The following NELL1 variants were observed in gnomAD, a reference collection of about 807,000 sequenced individuals.
NELL1 encodes neural EGFL like 1.
NELL1 carries 76 observed loss-of-function variants against 107.4 expected under a neutral mutation model. The observed-to-expected ratio is 0.71, with a 90% CI of 0.59 to 0.86. NELL1 has a LOEUF of 0.86. NELL1 is among the 40% of genes least tolerant of loss of function. NELL1 has a pLI of 0.00. For synonymous variants in NELL1, 353 were observed against 341.2 expected (o/e 1.03, Z -0.38); for missense variants, 1,024 against 1,005.5 (o/e 1.02, Z -0.25).
chr11:20,695,769 C>A (rs1854598572), intron 2 of NELL1, among the ~76,000 whole-genome samples: 1 of 152,006 alleles, frequency 6.6e-6, no homozygotes, highest in Non-Finnish European at 1.5e-5. Flanking sequence ...TTTTTGATAA[C>A]AGGGTGATGC....
At chr11:21,190,755 GA>G (rs1173033630) in intron 13 of NELL1, among the ~76,000 whole-genome samples, 1 of 151,836 alleles carries the variant, frequency 6.6e-6, no homozygotes, top group East Asian at 1.9e-4. Context: ...TTTCTCACTT[GA>G]TATTGCAAAA....
At chr11:21,106,998 AT>A (rs1854985300) in intron 12 of NELL1, among the ~76,000 whole-genome samples, 1 of 152,088 alleles carries the variant, frequency 6.6e-6, no homozygotes. Flanking sequence ...ATTGTTTTTA[AT>A]TTTAAAAGTA....
At chr11:21,042,239 A>G (rs16907306) in intron 12 of NELL1, among the ~76,000 whole-genome samples, 21,098 of 152,224 alleles carry the variant, frequency 0.14, 1,630 homozygotes, top group South Asian at 0.24. Context: ...ACAATCCAGA[A>G]TATGCTTAAA....
chr11:21,135,329 C>A (rs546318320), intron 13 of NELL1, among the ~76,000 whole-genome samples: 1 of 152,252 alleles, frequency 6.6e-6, no homozygotes, highest in African/African-American at 2.4e-5. Flanking sequence ...TAGACATGTC[C>A]TATGGATGTT....
chr11:21,477,034 G>T (rs1044499648), intron 15 of NELL1, among the ~76,000 whole-genome samples: 1 of 152,124 alleles, frequency 6.6e-6, no homozygotes, highest in Non-Finnish European at 1.5e-5. Flanking sequence ...AGGCTACAAG[G>T]ACTGCAATTC....
At chr11:20,724,846 A>G (rs7131211) in intron 2 of NELL1, among the ~76,000 whole-genome samples, 5,607 of 152,316 alleles carry the variant, frequency 0.037, 362 homozygotes, top group African/African-American at 0.13. Context: ...ACACTGTTAC[A>G]AAGATACTAC....
intron 15 of NELL1, among the ~76,000 whole-genome samples, chr11:21,533,828 A>G (rs755977668): frequency 6.6e-6 from 1 of 152,180 alleles, no homozygotes; most frequent in Non-Finnish European, 1.5e-5. Context: ...AAGAAAAGGT[A>G]ATTATTAGCT....
intron 14 of NELL1, among the ~76,000 whole-genome samples, chr11:21,325,849 C>T (rs1850119866): frequency 1.3e-5 from 2 of 151,932 alleles, no homozygotes; most frequent in Admixed American, 6.6e-5. Flanking sequence ...ATAATTTTTC[C>T]TGTCCTAGAA....
At chr11:21,071,982 A>G (rs761399698) in intron 12 of NELL1, among the ~76,000 whole-genome samples, 1 of 152,120 alleles carries the variant, frequency 6.6e-6, no homozygotes, top group Non-Finnish European at 1.5e-5. Flanking sequence ...CCAATTTGGT[A>G]GCAGAAGCCC....
intron 15 of NELL1, among the ~76,000 whole-genome samples, chr11:21,406,517 A>G (rs976633451): frequency 6.6e-6 from 1 of 152,032 alleles, no homozygotes; most frequent in Admixed American, 6.6e-5. Context: ...AATAAGGATT[A>G]TATTCTTTGT....
At chr11:21,407,774 T>C (rs1852271285) in intron 15 of NELL1, among the ~76,000 whole-genome samples, 2 of 151,560 alleles carry the variant, frequency 1.3e-5, no homozygotes, top group Admixed American at 6.6e-5. Context: ...ACTAATTATT[T>C]CTTCGAATAG....
chr11:20,766,306 G>T (rs1248906261), intron 2 of NELL1, among the ~76,000 whole-genome samples: 1 of 152,160 alleles, frequency 6.6e-6, no homozygotes, highest in African/African-American at 2.4e-5. Context: ...CTGCAGGCAG[G>T]GTGAAAGCAG....
intron 2 of NELL1, among the ~76,000 whole-genome samples, chr11:20,767,809 G>A (rs949861401): frequency 1.3e-5 from 2 of 152,208 alleles, no homozygotes; most frequent in Non-Finnish European, 1.5e-5. Flanking sequence ...TGTTAAGGAT[G>A]CAGCAGAGAA....
intron 15 of NELL1, among the ~76,000 whole-genome samples, chr11:21,413,108 C>A (rs999686618): frequency 3.9e-5 from 6 of 152,072 alleles, no homozygotes; most frequent in Non-Finnish European, 5.9e-5. Flanking sequence ...CAACAAAAAA[C>A]CCTTGATTGC....
At chr11:21,359,307 C>G (rs1380518744) in intron 14 of NELL1, among the ~76,000 whole-genome samples, 1 of 152,112 alleles carries the variant, frequency 6.6e-6, no homozygotes, top group Non-Finnish European at 1.5e-5. Flanking sequence ...GTTAAACCAT[C>G]CCTACATCCT....
intron 12 of NELL1, among the ~76,000 whole-genome samples, chr11:21,083,267 C>T (rs1273919686): frequency 1.3e-5 from 2 of 152,134 alleles, no homozygotes; most frequent in African/African-American, 4.8e-5. Flanking sequence ...TAGCAGATTG[C>T]TGGGTGTGTG....
intron 14 of NELL1, among the ~76,000 whole-genome samples, chr11:21,328,305 T>G (rs928466409): frequency 5.3e-5 from 8 of 152,138 alleles, no homozygotes; most frequent in African/African-American, 1.9e-4. Context: ...TTCAGGCTGT[T>G]GCTTTAGAGG....
intron 14 of NELL1, among the ~76,000 whole-genome samples, chr11:21,358,565 ATTTTTT>A (rs75578174): frequency 1.2e-4 from 12 of 97,682 alleles, no homozygotes; most frequent in South Asian, 4.0e-4. Flanking sequence ...TGCCCTGATA[ATTTTTT>A]TTTTTTTTTT....
rs141437818 is a variant in NELL1, at chr11:20,986,371, G to C, written c.1300+25811G>C. On this transcript the variant is annotated intron_variant, in intron 12 of 19. Transcript: ENST00000357134. ...TGGAGTGAAAGGCGTTGTTAAGAAA[G>C]ATTGCATTTTTCAGCTGGCCATTGT... Among the ~76,000 whole-genome samples the C allele has an allele frequency of 2.7e-3, 406 of 152,302 alleles. 1 individual carries two copies. Among genetic ancestry groups the C allele is most frequent in the Middle Eastern group, 6.8e-3 (2 of 294 alleles).
Sources: allele counts gnomAD v4.1 joint callset (sites outside exome capture counted in the v4.1 genomes callset), GRCh38; gene constraint gnomAD v4.1.1; transcripts MANE v1.5; gene names NCBI Gene and HGNC (gene_info 2026-07-23, HGNC 2026-07-21).